GRIK1: variants seen among roughly 807,000 people sequenced by gnomAD.
GRIK1 encodes the protein glutamate receptor ionotropic, kainate 1.
Under a neutral mutation model 105.7 loss-of-function variants are expected in GRIK1, and 69 were observed. The observed-to-expected ratio is 0.65, with a 90% CI of 0.54 to 0.80. GRIK1 has a LOEUF of 0.80. Ranked by LOEUF, GRIK1 falls within the 30% of genes least tolerant of loss-of-function variation. The pLI is 0.00. For synonymous variants in GRIK1, 438 were observed against 431.3 expected (o/e 1.02, Z -0.19); for missense variants, 1,109 against 1,167.3 (o/e 0.95, Z 0.73).
At chr21:29,616,139 C>G (rs2061845671) in intron 7 of GRIK1, among the ~76,000 whole-genome samples, 1 of 152,170 alleles carries the variant, frequency 6.6e-6, no homozygotes, top group African/African-American at 2.4e-5. Flanking sequence ...GAAGTATGTC[C>G]TGTTCTCTAG....
intron 7 of GRIK1, among the ~76,000 whole-genome samples, chr21:29,616,363 T>C (rs146400779): frequency 2.9e-4 from 44 of 152,356 alleles, no homozygotes; most frequent in Non-Finnish European, 5.7e-4. Flanking sequence ...GGGTCCTTTA[T>C]CATTCTTTGA....
intron 1 of GRIK1, among the ~76,000 whole-genome samples, chr21:29,775,788 C>T (rs921472780): frequency 3.3e-5 from 5 of 152,188 alleles, no homozygotes; most frequent in Non-Finnish European, 5.9e-5. Context: ...CTTAGCATTC[C>T]TTCTTCACTT....
chr21:29,856,260 C>A (rs1006604275), intron 1 of GRIK1, among the ~76,000 whole-genome samples: 1 of 152,012 alleles, frequency 6.6e-6, no homozygotes, highest in Non-Finnish European at 1.5e-5. Context: ...GATGAACCAG[C>A]AGAGGAGAAT....
chr21:29,854,691 T>A (rs1197659517), intron 1 of GRIK1, among the ~76,000 whole-genome samples: 1 of 152,174 alleles, frequency 6.6e-6, no homozygotes, highest in Admixed American at 6.5e-5. Flanking sequence ...TGTTTTCTCA[T>A]CTATTTGCTT....
intron 1 of GRIK1, among the ~76,000 whole-genome samples, chr21:29,779,005 T>A (rs2066018589): frequency 6.6e-6 from 1 of 152,228 alleles, no homozygotes; most frequent in South Asian, 2.1e-4. Flanking sequence ...AATTGTGAGA[T>A]AATGCCCCCA....
intron 1 of GRIK1, among the ~76,000 whole-genome samples, chr21:29,712,479 G>A (rs527861446): frequency 6.6e-6 from 1 of 151,820 alleles, no homozygotes; most frequent in East Asian, 1.9e-4. Flanking sequence ...TAGAAATATT[G>A]CATCAACTTA....
At chr21:29,568,471 G>A (rs2090662573) in intron 14 of GRIK1, among the ~76,000 whole-genome samples, 1 of 152,190 alleles carries the variant, frequency 6.6e-6, no homozygotes, top group South Asian at 2.1e-4. Flanking sequence ...ATAAAGGTTA[G>A]AGAATCCCTT....
chr21:29,837,481 A>C (rs1440887527), intron 1 of GRIK1, among the ~76,000 whole-genome samples: 1 of 152,166 alleles, frequency 6.6e-6, no homozygotes, highest in Non-Finnish European at 1.5e-5. Flanking sequence ...GAGTCACAGG[A>C]GGCAGGACTA....
intron 1 of GRIK1, among the ~76,000 whole-genome samples, chr21:29,876,077 T>C (rs2069179838): frequency 6.6e-6 from 1 of 151,492 alleles, no homozygotes; most frequent in Non-Finnish European, 1.5e-5. Context: ...TGTTTGTTTG[T>C]TCTTATTACA....
chr21:29,859,562 G>A (rs77303800), intron 1 of GRIK1, among the ~76,000 whole-genome samples: 315 of 152,232 alleles, frequency 2.1e-3, no homozygotes, highest in African/African-American at 6.9e-3. Context: ...GGGCACTCCC[G>A]TCTCCTCACA....
intron 6 of GRIK1, among the ~76,000 whole-genome samples, chr21:29,646,072 A>G (rs907101586): frequency 2.0e-4 from 30 of 152,194 alleles, no homozygotes; most frequent in Admixed American, 1.3e-4. Context: ...TAAGAGTGTC[A>G]TTGTATTCTT....
chr21:29,889,462 C>T (rs2069810258), intron 1 of GRIK1, among the ~76,000 whole-genome samples: 1 of 151,974 alleles, frequency 6.6e-6, no homozygotes, highest in South Asian at 2.1e-4. Flanking sequence ...GTACTGATCC[C>T]TGAACATTTT....
chr21:29,630,995 A>AAAATTTTATTTTTTGTCTCTACAT (rs2062257857), intron 7 of GRIK1, among the ~76,000 whole-genome samples: 1 of 151,784 alleles, frequency 6.6e-6, no homozygotes, highest in Non-Finnish European at 1.5e-5. Context: ...TTTTGTAGAG[A>AAAATTTTATTTTTTGTCTCTACAT]GGGGGTTTCA....
chr21:29,893,702 C>A (rs2832479), intron 1 of GRIK1, among the ~76,000 whole-genome samples: 1 of 151,972 alleles, frequency 6.6e-6, no homozygotes, highest in African/African-American at 2.4e-5. Context: ...GTAGAATATA[C>A]AGAGAGAAAG....
At chr21:29,822,438 A>G (rs1470477869) in intron 1 of GRIK1, among the ~76,000 whole-genome samples, 1 of 152,014 alleles carries the variant, frequency 6.6e-6, no homozygotes, top group Non-Finnish European at 1.5e-5. Flanking sequence ...CTTTGTTCCA[A>G]TGTACCCATG....
At chr21:29,598,063 A>C (rs184814627) in intron 8 of GRIK1, among the ~76,000 whole-genome samples, 2 of 152,278 alleles carry the variant, frequency 1.3e-5, no homozygotes, top group East Asian at 3.9e-4. Context: ...TGGGGGTTTC[A>C]ATTGTTTTTC....
At chr21:29,566,402 T>C (rs951213024) in intron 14 of GRIK1, among the ~76,000 whole-genome samples, 2 of 152,216 alleles carry the variant, frequency 1.3e-5, no homozygotes, top group African/African-American at 4.8e-5. Context: ...TTTTTAATCC[T>C]GAGAGGCATC....
chr21:29,752,663 CA>C (rs202115337), intron 1 of GRIK1, among the ~76,000 whole-genome samples: 6 of 150,402 alleles, frequency 4.0e-5, no homozygotes, highest in Admixed American at 6.6e-5. Flanking sequence ...CATATCTCTA[CA>C]AAAAAAAATT....
chr21:29,750,310 T>A (rs972598407), intron 1 of GRIK1, among the ~76,000 whole-genome samples: 4 of 149,628 alleles, frequency 2.7e-5, no homozygotes, highest in African/African-American at 9.9e-5. Flanking sequence ...TCTTTCTGAA[T>A]ATGTACCTAC....
Sources: gnomAD v4.1 joint callset for allele counts (sites outside exome capture counted in the v4.1 genomes callset) on GRCh38, gnomAD v4.1.1 for gene constraint, MANE v1.5 for transcripts, NCBI Gene and HGNC (gene_info 2026-07-23, HGNC 2026-07-21) for gene names.